MYO10: variants seen among roughly 807,000 people sequenced by gnomAD.
MYO10 encodes the protein myosin X, also known as unconventional myosin-X.
Under a neutral mutation model 257.3 loss-of-function variants are expected in MYO10, and 133 were observed. The ratio of observed to expected loss-of-function variants is 0.52; its 90% CI spans 0.45 to 0.60. The LOEUF (loss-of-function observed/expected upper bound fraction) is 0.60, where lower values mean the gene tolerates loss of function less well. MYO10 is among the 20% of genes least tolerant of loss of function. MYO10 has a pLI of 0.00. For synonymous variants in MYO10, 1,104 were observed against 1,028.6 expected, an observed-to-expected ratio of 1.07 and a Z score of -1.40; for missense variants, 2,399 against 2,635.7, an observed-to-expected ratio of 0.91 and a Z score of 1.97.
In MYO10 at chr5:16,714,040, G is replaced by A. The variant is rs556829113; in HGVS notation, c.1930-2795C>T. Among the ~76,000 whole-genome samples the A allele has an allele frequency of 4.6e-5, 7 of 152,274 alleles. No homozygotes were observed. The South Asian group carries it at 1.0e-3, about 23-fold the overall frequency. ...TTACTGAACACCTACTATGTGCAAG[G>A]TTTTGTAATTCATGATCAGGGAAGA... On this transcript the variant is annotated intron_variant, in intron 19 of 40. Transcript: ENST00000513610.
intron 1 of MYO10, among the ~76,000 whole-genome samples, chr5:16,896,915 A>G (rs914307332): frequency 1.3e-5 from 2 of 152,054 alleles, no homozygotes; most frequent in Admixed American, 6.6e-5. Flanking sequence ...ACAATCTTGC[A>G]TTAGCTCCGA....
At chr5:16,876,276 A>G (rs1744602125) in intron 2 of MYO10, among the ~76,000 whole-genome samples, 1 of 152,220 alleles carries the variant, frequency 6.6e-6, no homozygotes, top group Admixed American at 6.5e-5. Context: ...TGGACGTGCC[A>G]GGTTTCTCTT....
intron 1 of MYO10, among the ~76,000 whole-genome samples, chr5:16,891,341 A>AGAGAGAG: frequency 5.8e-5 from 3 of 51,708 alleles, no homozygotes; most frequent in African/African-American, 2.4e-4. Flanking sequence ...GGAAGGAAGG[A>AGAGAGAG]AGGAAGGAAG....
Position 16,691,033 on chromosome 5 carries a change from G to T in MYO10, c.3801-1114C>A, listed in dbSNP as rs184201761. Among the ~76,000 whole-genome samples, 30 of 152,136 alleles carry T rather than the reference G, an allele frequency of 2.0e-4. No individual in the cohort carries two copies. The East Asian group carries it at 4.7e-3, about 24-fold the overall frequency. ...GCCTGTAATCCCAGCACTTTGGGAG[G>T]CTGAGGCGGGCGGATCATGAGGTCA... On this transcript the variant is annotated intron_variant, in intron 27 of 40. Transcript: ENST00000513610.
chr5:16,900,889 A>G (rs564153689), intron 1 of MYO10, among the ~76,000 whole-genome samples: 102 of 151,686 alleles, frequency 6.7e-4, no homozygotes, highest in African/African-American at 2.3e-3. Flanking sequence ...ACAGGCACCC[A>G]CCATCACACC....
Position 16,912,741 on chromosome 5 carries a change from TGAGTA to T in MYO10, c.21+23042_21+23046del, listed in dbSNP as rs376156611. ...CTGTATTTCAGCCACCCAAGTGGGT[TGAGTA>T]TTCTGTTTATAGCTGCCAAGGGTAC... On this transcript the variant is annotated intron_variant, in intron 1 of 40. Coordinates refer to ENST00000513610, the MANE Select transcript of MYO10 (RefSeq NM_012334.3). Among the ~76,000 whole-genome samples, 761 of 151,232 alleles carry T rather than the reference TGAGTA, an allele frequency of 5.0e-3. 6 individuals are homozygous for T. The highest frequency in any genetic ancestry group is 0.018 in the African/African-American group (731 of 41,092).
In MYO10 at chr5:16,711,019, A is replaced by G. The variant is rs778219363; in HGVS notation, c.2058T>C (p.Tyr686=). ...GAGCCAGATTCCTCATCAGCACTTT[A>G]TACCTGCAACGTGAAGACACACAGG... ...RRPFQDFYKR[Y]KVLMRNLALP... Residue 686 remains tyrosine (Y), a synonymous_variant, in exon 21 of 41, where the codon TAT becomes TAC. Coordinates refer to ENST00000513610, the MANE Select transcript of MYO10 (RefSeq NM_012334.3). 1 of 1,613,954 alleles carries G rather than the reference A, an allele frequency of 6.2e-7. No homozygotes were observed. The highest frequency in any genetic ancestry group is 8.5e-7 in the Non-Finnish European group (1 of 1,179,870).
chr5:16,673,984 T>A, intron 35 of MYO10, 95 bp from the exon 36 acceptor site: 1 of 1,070,142 alleles, frequency 9.3e-7, no homozygotes, highest in Non-Finnish European at 1.4e-6. Context: ...ACCAAAGCAG[T>A]GAATGGTCCC....
chr5:16,910,352 G>C (rs1745627133), intron 1 of MYO10, among the ~76,000 whole-genome samples: 1 of 152,048 alleles, frequency 6.6e-6, no homozygotes, highest in Non-Finnish European at 1.5e-5. Flanking sequence ...AATTTGAGTT[G>C]AGTCCAGAAA....
At chr5:16,679,630 G>A (rs1482962832) in intron 33 of MYO10, among the ~76,000 whole-genome samples, 1 of 150,628 alleles carries the variant, frequency 6.6e-6, no homozygotes, top group African/African-American at 2.4e-5. Context: ...GTTCAAGCAA[G>A]TCTTCTGCCT....
chr5:16,863,482 G>A (rs1318990725), intron 2 of MYO10, among the ~76,000 whole-genome samples: 1 of 152,196 alleles, frequency 6.6e-6, no homozygotes, highest in Non-Finnish European at 1.5e-5. Flanking sequence ...GAAATGCTGT[G>A]TACCTTTGGC....
intron 3 of MYO10, among the ~76,000 whole-genome samples, chr5:16,812,442 T>A (rs1446263064): frequency 6.6e-6 from 1 of 152,034 alleles, no homozygotes. Context: ...CCCACAGGAA[T>A]AGCTAAAGGG....
At position 16,681,393 on chromosome 5, in the gene MYO10, TCTC is replaced by T. The variant is rs1377489895; in HGVS notation, c.4297_4299del (p.Glu1433del). The T allele has an allele frequency of 1.2e-6, 2 of 1,614,004 alleles. No individual in the cohort carries two copies. The highest frequency in any genetic ancestry group is 3.3e-5 in the Admixed American group (2 of 60,030). ...AGGGTCCCCAGTTTGAGCGCGTTCT[TCTC>T]TGAACTCTTGTAGTAATCCAGGGAA... On this transcript the variant is annotated inframe_deletion, in exon 32 of 41. Transcript: ENST00000513610.
intron 34 of MYO10, 73 bp from the exon 35 acceptor site, chr5:16,675,223 A>G (rs1288501670): frequency 2.7e-6 from 4 of 1,498,146 alleles, no homozygotes; most frequent in African/African-American, 2.8e-5. Flanking sequence ...TCGGAGCAGT[A>G]GTCAAGACAA....
chr5:16,733,059 G>A (rs540475374), intron 19 of MYO10, among the ~76,000 whole-genome samples: 8 of 152,200 alleles, frequency 5.3e-5, no homozygotes, highest in South Asian at 2.1e-4. Flanking sequence ...ACTTGAACCC[G>A]GGAAGTGGAG....
chr5:16,718,968 G>C (rs955950440), intron 19 of MYO10, among the ~76,000 whole-genome samples: 6 of 152,190 alleles, frequency 3.9e-5, no homozygotes, highest in African/African-American at 1.4e-4. Context: ...CCAATCAGCA[G>C]GATGTGGGTG....
intron 14 of MYO10, 24 bp from the exon 15 acceptor site, chr5:16,762,661 G>A (rs1410808880): frequency 3.9e-6 from 6 of 1,538,870 alleles, no homozygotes; most frequent in African/African-American, 1.4e-5. Context: ...AAGAAAAAAT[G>A]AATTAAAAGT....
In MYO10 at chr5:16,935,858, G is replaced by A. The variant is rs373709256; in HGVS notation, c.-50C>T. On this transcript the variant is annotated 5_prime_UTR_variant, in exon 1 of 41. Transcript: ENST00000513610. Reference sequence around the variant, plus strand: ...CCGAGTGCCGCTCCGACTCGCGGAAGTCAGCGCCGCCGCGGGTCCGGGGAA... The same window carrying A: ...CCGAGTGCCGCTCCGACTCGCGGAAATCAGCGCCGCCGCGGGTCCGGGGAA... The A allele has an allele frequency of 8.7e-6, 14 of 1,607,580 alleles. No homozygotes were observed. The highest frequency in any genetic ancestry group is 1.7e-5 in the Admixed American group (1 of 59,440).
At chr5:16,829,914 C>A (rs548475218) in intron 2 of MYO10, among the ~76,000 whole-genome samples, 2 of 152,056 alleles carry the variant, frequency 1.3e-5, no homozygotes, top group South Asian at 4.2e-4. Flanking sequence ...CACACGCACA[C>A]GCACACAAGA....
Sources: gnomAD v4.1 joint callset for allele counts (sites outside exome capture counted in the v4.1 genomes callset) on GRCh38, gnomAD v4.1.1 for gene constraint, MANE v1.5 for transcripts, NCBI Gene and HGNC (gene_info 2026-07-23, HGNC 2026-07-21) for gene names.